SATL1: variants seen among roughly 807,000 people sequenced by gnomAD.
The protein encoded by SATL1 is spermidine/spermine N(1)-acetyltransferase-like protein 1.
In SATL1, 47 loss-of-function variants were observed where a neutral mutation model predicts 51.8. The observed-to-expected ratio is 0.91, with a 90% confidence interval of 0.72 to 1.16. The LOEUF (loss-of-function observed/expected upper bound fraction) is 1.16. Ranked by LOEUF, SATL1 falls within the 50% of genes most tolerant of loss-of-function variation. The pLI, the probability that SATL1 is intolerant of heterozygous loss-of-function variation, is 0.00. For synonymous variants in SATL1, 176 were observed against 182.4 expected (o/e 0.97, Z 0.28); for missense variants, 520 against 526.4 (o/e 0.99, Z 0.12).
chrX:85,232,031 T>C (rs757994481), intron 1 of SATL1, among the ~76,000 whole-genome samples: 2 of 106,840 alleles, frequency 1.9e-5, no homozygotes, highest in South Asian at 8.7e-4. Flanking sequence ...AACTCCTTTC[T>C]TCTGCTTGAA....
At chrX:85,094,256 A>G in intron 5 of SATL1, 27 bp from the exon 6 acceptor site, 1 of 909,410 alleles carries the variant, frequency 1.1e-6, no homozygotes, top group Non-Finnish European at 1.6e-6. Context: ...AAGGGTGTAG[A>G]AAGGTTGGTT....
chrX:85,105,663 C>A (rs1366812705), intron 3 of SATL1, among the ~76,000 whole-genome samples: 2 of 111,135 alleles, frequency 1.8e-5, no homozygotes, highest in Admixed American at 9.6e-5. Context: ...ATGGGACAGT[C>A]AATAAAACCT....
chrX:85,159,650 A>G (rs1460789389), intron 2 of SATL1, among the ~76,000 whole-genome samples: 1 of 111,799 alleles, frequency 8.9e-6, no homozygotes, highest in Non-Finnish European at 1.9e-5. Context: ...TTTTTTTTCA[A>G]AATAAATAGT....
In SATL1 at chrX:85,109,177, G is replaced by A. The variant is rs1026772902; in HGVS notation, c.-209C>T. 4 of 433,061 alleles carry A rather than the reference G, an allele frequency of 9.2e-6. No individual in the cohort carries two copies. The highest frequency in any genetic ancestry group is 7.5e-5 in the African/African-American group (3 of 40,265). The allele number at this position is 433,061 out of a possible 1,213,427, so 35.7% of individuals were successfully genotyped here. On this transcript the variant is annotated 5_prime_UTR_variant, in exon 3 of 8. Transcript: ENST00000644105. ...AGGTGGGAATTGGAAAAAGAGAGGAGCACCTCAGGAAGATTATTAATGCCT... is the reference window on the plus strand; with the variant it reads ...AGGTGGGAATTGGAAAAAGAGAGGAACACCTCAGGAAGATTATTAATGCCT...
chrX:85,174,360 T>C (rs1489556296), intron 2 of SATL1, among the ~76,000 whole-genome samples: 1 of 109,132 alleles, frequency 9.2e-6, no homozygotes, highest in Non-Finnish European at 1.9e-5. Context: ...CTCACTCTTG[T>C]TGCCCAGGCT....
In SATL1 at chrX:85,108,898, G is replaced by A. The variant is rs562707070; in HGVS notation, c.71C>T (p.Thr24Ile). 449 of 1,209,660 alleles carry A rather than the reference G, an allele frequency of 3.7e-4. 5 individuals carry two copies. In the South Asian group the frequency reaches 6.9e-3, roughly 19 times the overall value. ...CATTTGGTTCATACCAAGTGAGTTT[G>A]TGCTTGGCTGGTTTATGCCTGCTTG... ...SNQAGINQPS[T>I]NSLGMNQMDM... The change falls in exon 3 of 8, where the codon ACA (threonine) becomes ATA (isoleucine). Residue 24 changes from threonine to isoleucine, a missense_variant. Around this residue, in one of 3 missense-constraint regions of SATL1, gnomAD observed 22 missense variants for 23.8 expected, o/e 0.92. Transcript: ENST00000644105.
intron 2 of SATL1, among the ~76,000 whole-genome samples, chrX:85,201,384 C>T (rs1055594442): frequency 6.3e-5 from 7 of 111,089 alleles, no homozygotes; most frequent in South Asian, 3.8e-4. Context: ...AAGATTGTAT[C>T]GTGTGCCACT....
chrX:85,151,720 A>G (rs1263276542), intron 2 of SATL1, among the ~76,000 whole-genome samples: 10 of 111,233 alleles, frequency 9.0e-5, no homozygotes, highest in South Asian at 7.6e-4. Flanking sequence ...ATGGGGAAAG[A>G]ATTCCCTATT....
chrX:85,175,016 A>T (rs1294574066), intron 2 of SATL1, among the ~76,000 whole-genome samples: 1 of 111,731 alleles, frequency 9.0e-6, no homozygotes, highest in Admixed American at 9.5e-5. Flanking sequence ...GGAGAGTTGG[A>T]ATAATTATCT....
chrX:85,137,630 G>T (rs1472075877), intron 2 of SATL1, among the ~76,000 whole-genome samples: 3 of 111,199 alleles, frequency 2.7e-5, no homozygotes, highest in African/African-American at 9.8e-5. Flanking sequence ...ATATATCTAG[G>T]TATAGCGTTT....
intron 2 of SATL1, chrX:85,210,528 C>T (rs1364998453): frequency 9.1e-6 from 1 of 110,270 alleles, no homozygotes; most frequent in African/African-American, 3.3e-5. Context: ...GTGTTTAGGT[C>T]CCCCAAATCC....
intron 2 of SATL1, chrX:85,211,428 A>C (rs2147755820): frequency 9.0e-6 from 1 of 111,491 alleles, no homozygotes; most frequent in South Asian, 3.7e-4. Context: ...TATGGTCTTT[A>C]AGTACCAAGT....
At chrX:85,149,655 G>C (rs1344240988) in intron 2 of SATL1, among the ~76,000 whole-genome samples, 1 of 111,739 alleles carries the variant, frequency 8.9e-6, no homozygotes, top group East Asian at 2.8e-4. Context: ...TCAGGATTAA[G>C]AAACTCACTC....
chrX:85,228,684 A>G (rs930444470), intron 1 of SATL1, among the ~76,000 whole-genome samples: 4 of 111,565 alleles, frequency 3.6e-5, no homozygotes, highest in African/African-American at 1.3e-4. Flanking sequence ...AGTACATTCC[A>G]TGCAACTGGT....
In SATL1 at chrX:85,113,026, C is replaced by A. The variant is rs775748785; in HGVS notation, c.-312-3746G>T. Among the ~76,000 whole-genome samples the A allele has an allele frequency of 1.3e-4, 14 of 111,134 alleles. No homozygotes were observed. In the East Asian group the frequency reaches 4.0e-3, roughly 32 times the overall value. On this transcript the variant is annotated intron_variant, in intron 2 of 7. Coordinates refer to ENST00000644105, the MANE Select transcript of SATL1 (RefSeq NM_001367857.2). Reference sequence around the variant, plus strand: ...CCTTTTTCCTTCTGACAGCGCGGGGCTGGTGGTGGTGGTTCTGTGGGTCTT... The same window carrying A: ...CCTTTTTCCTTCTGACAGCGCGGGGATGGTGGTGGTGGTTCTGTGGGTCTT...
At chrX:85,136,936 C>G (rs1016459014) in intron 2 of SATL1, among the ~76,000 whole-genome samples, 4 of 111,727 alleles carry the variant, frequency 3.6e-5, no homozygotes, top group African/African-American at 1.3e-4. Context: ...TAACTCTCCC[C>G]TCTCCCCATC....
At position 85,109,025 on chromosome X, in the gene SATL1, A is replaced by G. The variant is rs1383730541; in HGVS notation, c.-57T>C. 1 of 1,066,223 alleles carries G rather than the reference A, an allele frequency of 9.4e-7. No homozygotes were observed. Among genetic ancestry groups the G allele is most frequent in the Non-Finnish European group, 1.3e-6 (1 of 786,229 alleles). The allele number at this position is 1,066,223 out of a possible 1,213,427, so 87.9% of individuals were successfully genotyped here. On this transcript the variant is annotated 5_prime_UTR_variant, in exon 3 of 8. Coordinates refer to ENST00000644105, the MANE Select transcript of SATL1 (RefSeq NM_001367857.2). ...ATGGGGTGGCAGATGATGGGTTGGC[A>G]GACAACTGATTGGCTGATGGCTGTC...
intron 1 of SATL1, among the ~76,000 whole-genome samples, chrX:85,234,329 TTAA>T (rs1165777038): frequency 8.9e-6 from 1 of 112,067 alleles, no homozygotes; most frequent in African/African-American, 3.2e-5. Context: ...GAAAAGAGTG[TTAA>T]TGAGTAATAA....
chrX:85,225,774 C>G (rs1928267642), intron 1 of SATL1, among the ~76,000 whole-genome samples: 1 of 111,561 alleles, frequency 9.0e-6, no homozygotes, highest in African/African-American at 3.3e-5. Flanking sequence ...TAGTGGTAGT[C>G]AAAAGAGATT....
Sources: allele counts gnomAD v4.1 joint callset (sites outside exome capture counted in the v4.1 genomes callset), GRCh38; gene constraint gnomAD v4.1.1; regional missense constraint gnomAD v4.1.1; transcripts MANE v1.5; gene names NCBI Gene and HGNC (gene_info 2026-07-23, HGNC 2026-07-21).